Variants in ATP8A2 observed in about 807,000 individuals in gnomAD.
ATP8A2 encodes phospholipid-transporting ATPase IB.
Under a neutral mutation model 165.6 loss-of-function variants are expected in ATP8A2, and 100 were observed. That is an observed-to-expected ratio of 0.60 (90% CI 0.51 to 0.71). The LOEUF (loss-of-function observed/expected upper bound fraction) is 0.71, where lower values mean the gene tolerates loss of function less well. Among genes scored for constraint, ATP8A2 ranks in the 30% least tolerant of loss-of-function variants. The pLI is 0.00. For missense variants in ATP8A2, 1,227 were observed against 1,479.5 expected (o/e 0.83, Z 2.80); for synonymous variants, 543 against 548.8 (o/e 0.99, Z 0.15).
At chr13:25,904,845 G>A (rs1250185806) in intron 33 of ATP8A2, among the ~76,000 whole-genome samples, 1 of 152,174 alleles carries the variant, frequency 6.6e-6, no homozygotes, top group Non-Finnish European at 1.5e-5. Context: ...TCAACATTCA[G>A]CGAATAATCA....
intron 30 of ATP8A2, among the ~76,000 whole-genome samples, chr13:25,842,675 A>G (rs1295836419): frequency 6.6e-6 from 1 of 151,830 alleles, no homozygotes; most frequent in African/African-American, 2.4e-5. Context: ...CTGTCAAAAA[A>G]AAAAAGAAAG....
intron 1 of ATP8A2, among the ~76,000 whole-genome samples, chr13:25,425,547 C>T (rs576549860): frequency 1.8e-5 from 2 of 110,290 alleles, no homozygotes; most frequent in East Asian, 3.7e-4. Context: ...TGAAATCATA[C>T]AGTATGCAGC....
At chr13:25,554,547 G>A (rs2038922728) in intron 12 of ATP8A2, among the ~76,000 whole-genome samples, 2 of 151,010 alleles carry the variant, frequency 1.3e-5, no homozygotes, top group Non-Finnish European at 2.9e-5. Flanking sequence ...GTGTGTGTGT[G>A]TGTGTGTGTG....
At chr13:25,677,390 C>T (rs2042394313) in intron 24 of ATP8A2, among the ~76,000 whole-genome samples, 1 of 152,138 alleles carries the variant, frequency 6.6e-6, no homozygotes, top group South Asian at 2.1e-4. Context: ...ACTCTTTAGC[C>T]TGGCCTGTAA....
chr13:25,678,660 G>C (rs1222546585), intron 24 of ATP8A2, among the ~76,000 whole-genome samples: 1 of 152,172 alleles, frequency 6.6e-6, no homozygotes, highest in Non-Finnish European at 1.5e-5. Flanking sequence ...ACCTGGTAAA[G>C]CCTTGTTTGG....
At chr13:25,880,178 A>C (rs1453021598) in intron 33 of ATP8A2, among the ~76,000 whole-genome samples, 1 of 152,198 alleles carries the variant, frequency 6.6e-6, no homozygotes, top group Admixed American at 6.5e-5. Flanking sequence ...ACTACATGTA[A>C]TCATACATAA....
chr13:25,846,421 T>C (rs1390267055), intron 30 of ATP8A2, among the ~76,000 whole-genome samples: 1 of 151,642 alleles, frequency 6.6e-6, no homozygotes, highest in African/African-American at 2.4e-5. Flanking sequence ...GGCAGCAGAG[T>C]TGAAGGATGA....
chr13:25,437,441 A>G (rs1040708183), intron 1 of ATP8A2, among the ~76,000 whole-genome samples: 2 of 152,180 alleles, frequency 1.3e-5, no homozygotes, highest in Non-Finnish European at 2.9e-5. Context: ...TAATGTTTAC[A>G]TATTTTGCTC....
intron 28 of ATP8A2, among the ~76,000 whole-genome samples, chr13:25,831,989 G>A (rs1951488669): frequency 6.6e-6 from 1 of 151,730 alleles, no homozygotes; most frequent in South Asian, 2.1e-4. Flanking sequence ...GCCCAGGCTG[G>A]AGTGCAATGG....
intron 27 of ATP8A2, among the ~76,000 whole-genome samples, chr13:25,806,748 T>C (rs1306883901): frequency 2.0e-5 from 3 of 152,186 alleles, no homozygotes; most frequent in Non-Finnish European, 4.4e-5. Flanking sequence ...TTTGAGGAAC[T>C]GTTGAACTGT....
At chr13:25,986,779 A>G (rs1956287584) in intron 35 of ATP8A2, among the ~76,000 whole-genome samples, 2 of 151,930 alleles carry the variant, frequency 1.3e-5, no homozygotes, top group Admixed American at 6.6e-5. Context: ...TTTTTGAGGA[A>G]CCTCCATACT....
chr13:25,937,848 C>CAAAAAAAAAAAAAAAAAA (rs57258286), intron 33 of ATP8A2, among the ~76,000 whole-genome samples: 1 of 83,558 alleles, frequency 1.2e-5, no homozygotes, highest in Non-Finnish European at 2.2e-5. Flanking sequence ...GACTCCGTCT[C>CAAAAAAAAAAAAAAAAAA]AAAAAAAAAA....
At chr13:25,840,724 G>A (rs779330391) in intron 30 of ATP8A2, among the ~76,000 whole-genome samples, 7 of 152,104 alleles carry the variant, frequency 4.6e-5, no homozygotes. Context: ...GAGTGTATAC[G>A]TATAAGAGTT....
intron 1 of ATP8A2, among the ~76,000 whole-genome samples, chr13:25,398,170 A>T (rs2033494404): frequency 6.6e-6 from 1 of 152,224 alleles, no homozygotes; most frequent in Non-Finnish European, 1.5e-5. Context: ...TTGCAGGGCC[A>T]TTCCAAAATA....
chr13:25,629,425 T>C, intron 24 of ATP8A2, among the ~76,000 whole-genome samples: 1 of 152,334 alleles, frequency 6.6e-6, no homozygotes, highest in East Asian at 1.9e-4. Context: ...TTAATGATTT[T>C]CCTTTTAATC....
At chr13:25,853,664 A>G (rs2138722612) in intron 30 of ATP8A2, among the ~76,000 whole-genome samples, 1 of 152,212 alleles carries the variant, frequency 6.6e-6, no homozygotes, top group Admixed American at 6.5e-5. Context: ...AGTTTTCTCT[A>G]GGGCCCCTTA....
At chr13:25,747,511 ACT>A (rs1228503543) in intron 25 of ATP8A2, among the ~76,000 whole-genome samples, 5 of 152,186 alleles carry the variant, frequency 3.3e-5, no homozygotes, top group African/African-American at 1.2e-4. Context: ...ATACCTGATA[ACT>A]CTTACAGAAC....
rs1229603868 is a variant in ATP8A2 at position 25,774,931 on chromosome 13, A to G, written c.2651A>G (p.Tyr884Cys). Residue 884 changes from tyrosine (Y) to cysteine (C), a missense_variant, in exon 27 of 37, where the codon TAT becomes TGT. Tyr to Cys is a radical substitution (Grantham distance 194). Coordinates refer to ENST00000381655, the MANE Select transcript of ATP8A2 (RefSeq NM_016529.6). ...ACCAAGTGCATCTTGTACTGCTTCT[A>G]TAAGAACGTGGTCCTGTATATTATT... ...RVTKCILYCF[Y>C]KNVVLYIIEL... The G allele has an allele frequency of 4.3e-6, 7 of 1,612,114 alleles. No individual in the cohort carries two copies. Among genetic ancestry groups the G allele is most frequent in the East Asian group, 4.5e-5 (2 of 44,888 alleles).
At chr13:25,782,310 A>G (rs1289525544) in intron 27 of ATP8A2, among the ~76,000 whole-genome samples, 2 of 152,250 alleles carry the variant, frequency 1.3e-5, no homozygotes, top group Admixed American at 6.5e-5. Context: ...TTAATAAGTA[A>G]AAGGCAAATT....
Sources: allele counts gnomAD v4.1 joint callset (sites outside exome capture counted in the v4.1 genomes callset), GRCh38; gene constraint gnomAD v4.1.1; transcripts MANE v1.5; gene names NCBI Gene and HGNC (gene_info 2026-07-23, HGNC 2026-07-21).